SRGAP2: variants seen among roughly 807,000 people sequenced by gnomAD.
SRGAP2 encodes SLIT-ROBO Rho GTPase-activating protein 2.
SRGAP2 carries 15 observed loss-of-function variants against 57.2 expected under a neutral mutation model. The observed-to-expected ratio is 0.26, with a 90% CI of 0.18 to 0.40. The LOEUF (loss-of-function observed/expected upper bound fraction) is 0.40. Among genes scored for constraint, SRGAP2 ranks in the 10% least tolerant of loss-of-function variants. SRGAP2 has a pLI of 1.00. For missense variants in SRGAP2, 520 were observed against 669.6 expected (o/e 0.78, Z 2.47); for synonymous variants, 249 against 248.0 (o/e 1.00, Z -0.04).
chr1:206,416,372 G>A (rs572284334), intron 11 of SRGAP2, among the ~76,000 whole-genome samples: 76 of 152,304 alleles, frequency 5.0e-4, no homozygotes, highest in South Asian at 8.3e-4. Context: ...GATGAGATAC[G>A]CAGCTGCTCT....
intron 4 of SRGAP2, among the ~76,000 whole-genome samples, chr1:206,351,650 A>AAAG (rs1676047176): frequency 6.7e-6 from 1 of 150,206 alleles, no homozygotes; most frequent in African/African-American, 2.5e-5. Flanking sequence ...CAGCTACTTC[A>AAAG]AAGGTATCTC....
intron 3 of SRGAP2, chr1:206,333,462 C>T (rs111819693): frequency 1.4e-5 from 21 of 1,488,036 alleles, no homozygotes; most frequent in East Asian, 4.5e-5. Flanking sequence ...GGTGAGGAAC[C>T]GGCGGGGCGA....
At chr1:206,322,339 C>T (rs1313608413) in intron 3 of SRGAP2, among the ~76,000 whole-genome samples, 6 of 144,284 alleles carry the variant, frequency 4.2e-5, no homozygotes, top group Non-Finnish European at 7.6e-5. Flanking sequence ...TTTGGGAGGC[C>T]GAGGCGGGCC....
In SRGAP2 at chr1:206,445,084, G is replaced by C. The variant is rs535756755; in HGVS notation, c.1875-991G>C. On this transcript the variant is annotated intron_variant, in intron 17 of 22. Coordinates refer to ENST00000573034, the MANE Select transcript of SRGAP2 (RefSeq NM_015326.5). ...TCAGATGGAGACAGCTGAGTCTCAG[G>C]CCTCGTTTCCCAACAGAGGACCTTT... is the stretch of plus-strand genomic sequence containing the variant. 9.2e-5 allele frequency among the ~76,000 whole-genome samples: 14 copies of C among 152,306 alleles called. No homozygotes were observed. The South Asian group carries it at 1.5e-3, about 16-fold the overall frequency.
chr1:206,359,080 A>G (rs1676691125), intron 4 of SRGAP2, among the ~76,000 whole-genome samples: 1 of 152,170 alleles, frequency 6.6e-6, no homozygotes, highest in Non-Finnish European at 1.5e-5. Context: ...AGGATTCTCA[A>G]TTAGCCATCT....
At chr1:206,421,869 T>C (rs536721151) in intron 13 of SRGAP2, among the ~76,000 whole-genome samples, 1 of 152,354 alleles carries the variant, frequency 6.6e-6, no homozygotes, top group East Asian at 1.9e-4. Flanking sequence ...TTAGGAGGGC[T>C]CTTAGAGAGC....
At chr1:206,240,415 C>T (rs758118717) in intron 2 of SRGAP2, among the ~76,000 whole-genome samples, 3 of 152,114 alleles carry the variant, frequency 2.0e-5, no homozygotes, top group Non-Finnish European at 2.9e-5. Flanking sequence ...GTGCTGTACT[C>T]GTCACTATGG....
intron 13 of SRGAP2, 70 bp downstream of exon 13, chr1:206,421,344 C>T (rs374887719): frequency 2.6e-5 from 19 of 719,564 alleles, no homozygotes; most frequent in African/African-American, 8.7e-5. Flanking sequence ...ATTTATTGAG[C>T]GCCACTGTGT....
intron 3 of SRGAP2, among the ~76,000 whole-genome samples, chr1:206,310,329 A>G (rs1672545502): frequency 6.6e-6 from 1 of 151,226 alleles, no homozygotes; most frequent in Non-Finnish European, 1.5e-5. Flanking sequence ...TATTCCTAAA[A>G]GTGTATACAG....
intron 2 of SRGAP2, among the ~76,000 whole-genome samples, chr1:206,260,913 G>A (rs1443016310): frequency 2.6e-5 from 4 of 152,182 alleles, no homozygotes; most frequent in African/African-American, 4.8e-5. Flanking sequence ...CCAATTACTC[G>A]TATTCACGAG....
At chr1:206,357,197 C>T (rs1676503148) in intron 4 of SRGAP2, among the ~76,000 whole-genome samples, 1 of 147,250 alleles carries the variant, frequency 6.8e-6, no homozygotes, top group Non-Finnish European at 1.5e-5. Context: ...AACCCTTCAG[C>T]TTAGGGTTTT....
At chr1:206,414,650 G>C (rs1659525018) in intron 10 of SRGAP2, among the ~76,000 whole-genome samples, 4 of 152,128 alleles carry the variant, frequency 2.6e-5, no homozygotes, top group African/African-American at 9.7e-5. Flanking sequence ...GGCTGTGGAG[G>C]AGAGCGGAAA....
At chr1:206,430,014 T>C (rs1553367770) in intron 13 of SRGAP2, 148 bp from the exon 14 acceptor site, 2 of 647,946 alleles carry the variant, frequency 3.1e-6, no homozygotes, top group African/African-American at 1.8e-5. Context: ...ATTTTTGTGC[T>C]CTGGAACTTG....
At chr1:206,421,846 C>T (rs1553364506) in intron 13 of SRGAP2, among the ~76,000 whole-genome samples, 1 of 152,232 alleles carries the variant, frequency 6.6e-6, no homozygotes, top group Non-Finnish European at 1.5e-5. Flanking sequence ...GCAGCCAGCT[C>T]TCATTACCCA....
intron 14 of SRGAP2, among the ~76,000 whole-genome samples, chr1:206,431,106 C>T (rs1423304457): frequency 6.6e-6 from 1 of 152,130 alleles, no homozygotes; most frequent in Non-Finnish European, 1.5e-5. Flanking sequence ...CTTTTTCTCT[C>T]CCTGTAAACT....
At chr1:206,385,057 C>T (rs2103067510) in intron 5 of SRGAP2, among the ~76,000 whole-genome samples, 1 of 143,248 alleles carries the variant, frequency 7.0e-6, no homozygotes, top group South Asian at 2.3e-4. Flanking sequence ...GCATGACAGG[C>T]ATTTGGGATC....
intron 3 of SRGAP2, among the ~76,000 whole-genome samples, chr1:206,319,034 T>G (rs533471370): frequency 2.0e-5 from 3 of 152,180 alleles, no homozygotes; most frequent in Non-Finnish European, 4.4e-5. Flanking sequence ...GATATACTGA[T>G]TAATGGGTTA....
At chr1:206,410,549 A>G (rs143320615) in intron 10 of SRGAP2, among the ~76,000 whole-genome samples, 167 of 152,322 alleles carry the variant, frequency 1.1e-3, no homozygotes, top group African/African-American at 3.9e-3. Flanking sequence ...TACTCTATGC[A>G]TGGACAACAA....
chr1:206,422,713 T>C (rs1553364848), intron 13 of SRGAP2, among the ~76,000 whole-genome samples: 3 of 152,220 alleles, frequency 2.0e-5, no homozygotes, highest in Non-Finnish European at 4.4e-5. Flanking sequence ...TGGCAGGTGA[T>C]ATGTGCCCTT....
Sources: gnomAD v4.1 joint callset for allele counts (sites outside exome capture counted in the v4.1 genomes callset) on GRCh38, gnomAD v4.1.1 for gene constraint, MANE v1.5 for transcripts, NCBI Gene and HGNC (gene_info 2026-07-23, HGNC 2026-07-21) for gene names.